The following PRKAR1B variants were observed in gnomAD, a reference collection of about 807,000 sequenced individuals.
The protein encoded by PRKAR1B is cAMP-dependent protein kinase type I-beta regulatory subunit.
In PRKAR1B, 22 loss-of-function variants were observed where a neutral mutation model predicts 46.5. The observed-to-expected ratio is 0.47, with a 90% CI of 0.34 to 0.68. The LOEUF (loss-of-function observed/expected upper bound fraction) is 0.68, where lower values mean the gene tolerates loss of function less well. Among genes scored for constraint, PRKAR1B ranks in the 30% least tolerant of loss-of-function variants. The pLI is 0.01. For synonymous variants in PRKAR1B, 259 were observed against 217.7 expected, an observed-to-expected ratio of 1.19 and a Z score of -1.67; for missense variants, 445 against 535.6, an observed-to-expected ratio of 0.83 and a Z score of 1.67.
At chr7:675,084 A>T (rs1318945648) in intron 4 of PRKAR1B, among the ~76,000 whole-genome samples, 1 of 152,208 alleles carries the variant, frequency 6.6e-6, no homozygotes, top group African/African-American at 2.4e-5. Context: ...CTCCTGCCTA[A>T]CCACAGCATC....
chr7:640,884 G>T (rs1351811359), intron 4 of PRKAR1B, among the ~76,000 whole-genome samples: 1 of 151,860 alleles, frequency 6.6e-6, no homozygotes, highest in African/African-American at 2.4e-5. Context: ...TGCCAGCAAG[G>T]ATGTGGAGAA....
In PRKAR1B at chr7:561,544, C is replaced by T. The variant is rs149621252; in HGVS notation, c.892-10074G>A. On this transcript the variant is annotated intron_variant, in intron 9 of 10. Transcript: ENST00000537384. ...AGGCTCCGGGTGTCTTGGAGGTGAC[C>T]GAGCTGTCCCTCTGCCGTTTGTTTC... Among the ~76,000 whole-genome samples the T allele has an allele frequency of 9.9e-3, 1,512 of 152,268 alleles. 29 individuals carry two copies. The highest frequency in any genetic ancestry group is 0.035 in the African/African-American group (1,442 of 41,548).
Position 596,200 on chromosome 7 carries a change from C to T in PRKAR1B, c.654G>A (p.Lys218=), listed in dbSNP as rs750623337. The T allele has an allele frequency of 1.2e-6, 2 of 1,614,050 alleles. No individual in the cohort carries two copies. The highest frequency in any genetic ancestry group is 1.1e-5 in the South Asian group (1 of 91,086). ...GTPRAATVKA[K]TDLKLWGIDR... ...CGATCCCCCAGAGCTTGAGGTCCGT[C>T]TTGGCTTTCACGGTCGCAGCCCTGG... The change falls in exon 7 of 11, where the codon AAG becomes AAA. Residue 218 remains lysine (K), a synonymous_variant. Coordinates refer to ENST00000537384, the MANE Select transcript of PRKAR1B (RefSeq NM_001164760.2).
chr7:699,913 G>C (rs1351567705), intron 2 of PRKAR1B, among the ~76,000 whole-genome samples: 2 of 152,186 alleles, frequency 1.3e-5, no homozygotes, highest in Admixed American at 6.5e-5. Context: ...ATGGAAAATG[G>C]AGCTCGAGGC....
intron 4 of PRKAR1B, among the ~76,000 whole-genome samples, chr7:640,814 A>ACACACACACAC (rs1784351630): frequency 6.7e-6 from 1 of 149,340 alleles, no homozygotes; most frequent in African/African-American, 2.5e-5. Flanking sequence ...ACACAGACAC[A>ACACACACACAC]AATGAAATAC....
intron 5 of PRKAR1B, among the ~76,000 whole-genome samples, chr7:606,605 C>G (rs1782074283): frequency 6.6e-6 from 1 of 151,924 alleles, no homozygotes; most frequent in Admixed American, 6.6e-5. Flanking sequence ...GCCACCACGC[C>G]CAGCTAATTT....
In PRKAR1B at chr7:583,387, A is replaced by G. The variant is rs1349456951; in HGVS notation, c.769+1121T>C. On this transcript the variant is annotated intron_variant, in intron 8 of 10. Coordinates refer to ENST00000537384, the MANE Select transcript of PRKAR1B (RefSeq NM_001164760.2). ...CACACACCCACTCACACATGTGCAC[A>G]CTCACACCCCCCACACGTGTGCACA... Among the ~76,000 whole-genome samples, 2 of 74,500 alleles carry G rather than the reference A, an allele frequency of 2.7e-5. 1 individual carries two copies. Among genetic ancestry groups the G allele is most frequent in the Admixed American group, 2.4e-4 (2 of 8,498 alleles). The allele number at this position is 74,500 out of a possible 152,430, so 48.9% of individuals were successfully genotyped here.
At chr7:713,731 T>C (rs1780774622) in intron 1 of PRKAR1B, among the ~76,000 whole-genome samples, 2 of 152,244 alleles carry the variant, frequency 1.3e-5, no homozygotes, top group South Asian at 4.1e-4. Context: ...CCCACTCACC[T>C]GCCTGCACAG....
At chr7:664,365 C>T (rs966112455) in intron 4 of PRKAR1B, among the ~76,000 whole-genome samples, 2 of 152,216 alleles carry the variant, frequency 1.3e-5, no homozygotes, top group African/African-American at 4.8e-5. Flanking sequence ...TGCATGAACA[C>T]AGCCTCTGCC....
intron 4 of PRKAR1B, among the ~76,000 whole-genome samples, chr7:613,780 C>T (rs1288146234): frequency 6.6e-6 from 1 of 152,242 alleles, no homozygotes; most frequent in Admixed American, 6.5e-5. Flanking sequence ...CTCCTCCCGC[C>T]GCTCCGGGCC....
chr7:616,008 A>AAGAGAGAGAGAGAG (rs112413656), intron 4 of PRKAR1B, among the ~76,000 whole-genome samples: 1 of 149,294 alleles, frequency 6.7e-6, no homozygotes, highest in Non-Finnish European at 1.5e-5. Flanking sequence ...AAAAGGAAGA[A>AAGAGAGAGAGAGAG]AGAGAGAGAG....
intron 5 of PRKAR1B, 139 bp from the exon 6 acceptor site, chr7:606,378 G>T: frequency 1.6e-6 from 1 of 628,780 alleles, no homozygotes. Flanking sequence ...TCTTTTTAAT[G>T]ACAAGATTAT....
rs183681536 is a variant in PRKAR1B, at chr7:666,517, T to C, written c.440+10712A>G. On this transcript the variant is annotated intron_variant, in intron 4 of 10. Coordinates refer to ENST00000537384, the MANE Select transcript of PRKAR1B (RefSeq NM_001164760.2). The surrounding 1 kb of genome is among the most constrained non-coding windows in gnomAD (Gnocchi z 4.9). ...GCCTGCCCTGGGAGCTACTCAACTC[T>C]GCAGAGGGGCTGTGCAGGTGCCGTC... Among the ~76,000 whole-genome samples the C allele has an allele frequency of 3.3e-5, 5 of 152,282 alleles. No homozygotes were observed. The East Asian group carries it at 7.7e-4, about 24-fold the overall frequency.
chr7:700,209 C>T (rs1779986416), intron 2 of PRKAR1B, among the ~76,000 whole-genome samples: 1 of 152,100 alleles, frequency 6.6e-6, no homozygotes, highest in Non-Finnish European at 1.5e-5. Context: ...AAACAATGTC[C>T]AAGTCCCAGA....
chr7:627,200 G>C (rs889637356), intron 4 of PRKAR1B, among the ~76,000 whole-genome samples: 1 of 151,926 alleles, frequency 6.6e-6, no homozygotes, highest in South Asian at 2.1e-4. Flanking sequence ...GCATTGCCCA[G>C]GCTGGTCTCA....
chr7:655,004 A>G (rs958186083), intron 4 of PRKAR1B, among the ~76,000 whole-genome samples: 1 of 152,192 alleles, frequency 6.6e-6, no homozygotes, highest in African/African-American at 2.4e-5. Context: ...TTTAGAATCA[A>G]CTAACCACTT....
upstream of PRKAR1B, chr7:727,443 C>T (rs1583468850): frequency 2.6e-6 from 1 of 381,770 alleles, no homozygotes. Flanking sequence ...CCCCAACATC[C>T]CGGACCCCCC....
chr7:726,838 G>A (rs1781315789), intron 1 of PRKAR1B: 2 of 1,327,688 alleles, frequency 1.5e-6, no homozygotes, highest in Non-Finnish European at 1.9e-6. Flanking sequence ...GGGGCTGGAG[G>A]CCGACAGCAA....
At position 602,465 on chromosome 7, in the gene PRKAR1B, G is replaced by T. The variant is rs1358923768; in HGVS notation, c.549+3728C>A. 5 of 169,076 alleles carry T rather than the reference G, an allele frequency of 3.0e-5. No homozygotes were observed. Among genetic ancestry groups the T allele is most frequent in the African/African-American group, 1.2e-4 (5 of 41,648 alleles). 10.5% of individuals were successfully genotyped at this position (169,076 alleles called of 1,614,324 possible). On this transcript the variant is annotated intron_variant, in intron 6 of 10. Transcript: ENST00000537384. The surrounding 1 kb of genome is among the most constrained non-coding windows in gnomAD (Gnocchi z 6.4). ...CTTTGCCGAGGTCCTGGCCCAGGTG[G>T]GGCTCCCGGGAGCCTGGAGGCCAAC... is the stretch of plus-strand genomic sequence containing the variant.
Sources: allele counts gnomAD v4.1 joint callset (sites outside exome capture counted in the v4.1 genomes callset), GRCh38; gene constraint gnomAD v4.1.1; non-coding constraint Gnocchi (gnomAD v3.1); transcripts MANE v1.5; gene names NCBI Gene and HGNC (gene_info 2026-07-23, HGNC 2026-07-21).